The following CLEC2A variants were observed in gnomAD, a reference collection of about 807,000 sequenced individuals.
CLEC2A encodes the protein keratinocyte-associated C-type lectin.
Under a neutral mutation model 18.6 loss-of-function variants are expected in CLEC2A, and 19 were observed. The ratio of observed to expected loss-of-function variants is 1.02; its 90% CI spans 0.71 to 1.50. The LOEUF is 1.50. CLEC2A is among the 40% of genes most tolerant of loss of function. The pLI is 0.00. For missense variants in CLEC2A, 190 were observed against 207.9 expected, an observed-to-expected ratio of 0.91 and a Z score of 0.53; for synonymous variants, 74 against 64.0, an observed-to-expected ratio of 1.16 and a Z score of -0.75.
downstream of CLEC2A, among the ~76,000 whole-genome samples, chr12:9,910,185 T>G (rs1862963187): frequency 6.6e-6 from 1 of 152,200 alleles, no homozygotes; most frequent in African/African-American, 2.4e-5. Context: ...CAAAAATACT[T>G]TATCATTTGC....
At chr12:9,911,650 C>T (rs1862988071), downstream of CLEC2A, among the ~76,000 whole-genome samples, 1 of 152,126 alleles carries the variant, frequency 6.6e-6, no homozygotes, top group Non-Finnish European at 1.5e-5. Flanking sequence ...ACTGAAAGTA[C>T]CACAGCTTTT....
downstream of CLEC2A, among the ~76,000 whole-genome samples, chr12:9,897,521 G>A (rs1862769685): frequency 6.6e-6 from 1 of 151,568 alleles, no homozygotes; most frequent in African/African-American, 2.4e-5. Flanking sequence ...ACATTGAAAA[G>A]TGAGGAGAGC....
chr12:9,926,341 G>A lies in CLEC2A; in HGVS notation c.58C>T (p.Pro20Ser). ...RADGFIHRIVPKLIQNWKIGL... is the reference protein window; with the variant it reads ...RADGFIHRIVSKLIQNWKIGL... ...ATCTTCCAGTTTTGTATCAACTTGG[G>A]AACTGCAAATTAAATCAACACATAT... Residue 20 changes from proline to serine, a missense_variant and splice_region_variant, in exon 2 of 5, where the codon CCC becomes TCC. Pro to Ser is a moderately conservative substitution (Grantham distance 74). Coordinates refer to ENST00000455827, the MANE Select transcript of CLEC2A (RefSeq NM_001130711.2). The A allele has an allele frequency of 6.5e-7, 1 of 1,540,526 alleles. No homozygotes were observed. The highest frequency in any genetic ancestry group is 8.8e-7 in the Non-Finnish European group (1 of 1,137,510).
intron 1 of CLEC2A, among the ~76,000 whole-genome samples, chr12:9,929,913 A>G (rs913759296): frequency 3.3e-5 from 5 of 151,848 alleles, no homozygotes; most frequent in Non-Finnish European, 7.4e-5. Context: ...ATTTCTTCTC[A>G]TTACATTTTG....
intron 4 of CLEC2A, 76 bp from the exon 5 acceptor site, chr12:9,913,756 T>TTTTAAATATATTATTTAATTA: frequency 1.1e-6 from 1 of 940,106 alleles, no homozygotes; most frequent in Non-Finnish European, 1.6e-6. Flanking sequence ...AATAGAGTGA[T>TTTTAAATATATTATTTAATTA]TTTAAATATA....
intron 3 of CLEC2A, among the ~76,000 whole-genome samples, chr12:9,921,725 T>C (rs1188069023): frequency 6.6e-6 from 1 of 152,210 alleles, no homozygotes; most frequent in Non-Finnish European, 1.5e-5. Flanking sequence ...TATGCTGTAT[T>C]ATTACCATAA....
chr12:9,885,032 C>G, the CLEC2A span: 1 of 1,190,386 alleles, frequency 8.4e-7, no homozygotes, highest in East Asian at 3.2e-5. Context: ...GAAGTTCTGG[C>G]GTGAGTAGTA....
At chr12:9,932,159 T>C (rs1028849082) in intron 1 of CLEC2A, 116 bp downstream of exon 1, 1 of 735,386 alleles carries the variant, frequency 1.4e-6, no homozygotes, top group Non-Finnish European at 2.3e-6. Context: ...TGCTTCCCCA[T>C]CCCTCACTTA....
chr12:9,884,575 AAT>A, the CLEC2A span, among the ~76,000 whole-genome samples: 8 of 148,934 alleles, frequency 5.4e-5, no homozygotes, highest in South Asian at 2.1e-4. Flanking sequence ...TGTATAGAAT[AAT>A]ATATATGTTT....
chr12:9,909,211 C>A (rs1862946384), downstream of CLEC2A, among the ~76,000 whole-genome samples: 1 of 152,192 alleles, frequency 6.6e-6, no homozygotes, highest in Admixed American at 6.5e-5. Context: ...TGCTGAGTGT[C>A]TGAGACAGAG....
chr12:9,929,642 TG>T (rs1049184084), intron 1 of CLEC2A, among the ~76,000 whole-genome samples: 4 of 152,158 alleles, frequency 2.6e-5, no homozygotes, highest in African/African-American at 9.7e-5. Flanking sequence ...ACTGCTTTGT[TG>T]TATATAGTAA....
chr12:9,897,435 G>T (rs1487002144), downstream of CLEC2A, among the ~76,000 whole-genome samples: 1 of 151,964 alleles, frequency 6.6e-6, no homozygotes, highest in East Asian at 1.9e-4. Context: ...CGTATGTGAT[G>T]CAGGATCTTT....
At chr12:9,884,175 G>A in the CLEC2A span, among the ~76,000 whole-genome samples, 1 of 152,078 alleles carries the variant, frequency 6.6e-6, no homozygotes, top group East Asian at 1.9e-4. Context: ...AAAATTGAAA[G>A]AGGATTATTA....
the CLEC2A span, among the ~76,000 whole-genome samples, chr12:9,883,914 G>A: frequency 6.6e-6 from 1 of 152,266 alleles, no homozygotes; most frequent in Admixed American, 6.5e-5. Context: ...TTTGTGAAAT[G>A]TACAACCAAG....
chr12:9,896,511 G>T (rs762798012), downstream of CLEC2A, among the ~76,000 whole-genome samples: 1 of 150,134 alleles, frequency 6.7e-6, no homozygotes, highest in Non-Finnish European at 1.5e-5. Context: ...AAATATGTAC[G>T]GATGTTAACA....
At chr12:9,881,990 C>T in the CLEC2A span, among the ~76,000 whole-genome samples, 1 of 151,602 alleles carries the variant, frequency 6.6e-6, no homozygotes, top group Non-Finnish European at 1.5e-5. Context: ...TTTATATAAA[C>T]TTAAAGCGTA....
At chr12:9,920,705 A>G (rs947421823) in intron 3 of CLEC2A, among the ~76,000 whole-genome samples, 113 of 152,116 alleles carry the variant, frequency 7.4e-4, no homozygotes, top group African/African-American at 2.6e-3. Context: ...CATCTTGGCC[A>G]CTCTCCAACC....
downstream of CLEC2A, among the ~76,000 whole-genome samples, chr12:9,908,726 C>T (rs1862939953): frequency 6.6e-6 from 1 of 152,160 alleles, no homozygotes; most frequent in South Asian, 2.1e-4. Context: ...ACATTTAAAA[C>T]ATCTATTCTG....
At chr12:9,915,161 C>A (rs78159921) in intron 4 of CLEC2A, among the ~76,000 whole-genome samples, 1,771 of 152,148 alleles carry the variant, frequency 0.012, 18 homozygotes, top group Non-Finnish European at 0.02. Context: ...GATACCATCT[C>A]ATGCCAATCA....
Sources: gnomAD v4.1 joint callset for allele counts (sites outside exome capture counted in the v4.1 genomes callset) on GRCh38, gnomAD v4.1.1 for gene constraint, MANE v1.5 for transcripts, NCBI Gene and HGNC (gene_info 2026-07-23, HGNC 2026-07-21) for gene names.